Variants in PBX1 observed in about 807,000 individuals in gnomAD.
PBX1 encodes the protein PBX homeobox 1.
PBX1 carries 6 observed loss-of-function variants against 53.4 expected under a neutral mutation model. The ratio of observed to expected loss-of-function variants is 0.11; its 90% CI spans 0.06 to 0.22. PBX1 has a LOEUF of 0.22. Among genes scored for constraint, PBX1 ranks in the 10% least tolerant of loss-of-function variants. PBX1 has a pLI of 1.00. For synonymous variants in PBX1, 204 were observed against 212.3 expected (o/e 0.96, Z 0.34); for missense variants, 251 against 551.4 (o/e 0.46, Z 5.46).
intron 2 of PBX1, among the ~76,000 whole-genome samples, chr1:164,588,368 T>TG (rs11431843): frequency 0.98 from 149,158 of 151,810 alleles, 73,329 homozygotes; most frequent in Middle Eastern, 1. Flanking sequence ...GTACAGGATT[T>TG]GGGGAAAAAA....
rs1343679646 is a variant in PBX1, at chr1:164,636,157, T to TC, written c.265+72846_265+72847insC. Among the ~76,000 whole-genome samples the TC allele has an allele frequency of 2.4e-4, 17 of 71,418 alleles. No individual in the cohort carries two copies. The East Asian group carries it at 6.2e-3, about 26-fold the overall frequency. 46.9% of individuals were successfully genotyped at this position (71,418 alleles called of 152,430 possible). A position where few individuals can be genotyped will look rare whatever the true frequency, so the allele number is the denominator to read the frequency against. The stretch of plus-strand genomic sequence containing the variant: ...CCCCCAGCATCTTTCTCTCTCTCTC[T>TC]TTTTTTTTTCTCCTTTTGATCTCAG... On this transcript the variant is annotated intron_variant, in intron 2 of 8. Coordinates refer to ENST00000420696, the MANE Select transcript of PBX1 (RefSeq NM_002585.4).
chr1:164,690,429 C>CGGCT, intron 2 of PBX1, among the ~76,000 whole-genome samples: 1 of 152,216 alleles, frequency 6.6e-6, no homozygotes, highest in East Asian at 1.9e-4. Context: ...TGTGAAGCAA[C>CGGCT]GGCTGCATGT....
At chr1:164,753,204 A>T (rs1225503871) in intron 2 of PBX1, among the ~76,000 whole-genome samples, 2 of 152,156 alleles carry the variant, frequency 1.3e-5, no homozygotes, top group Non-Finnish European at 2.9e-5. Flanking sequence ...GATTGTCTTT[A>T]TTTTTTGTTT....
chr1:164,680,091 G>A (rs557786148), intron 2 of PBX1: 2 of 152,208 alleles, frequency 1.3e-5, no homozygotes, highest in African/African-American at 2.4e-5. Flanking sequence ...GTGGAAATCC[G>A]GCCTGTAGTT....
chr1:164,871,652 C>A (rs556894775), intron 2 of PBX1, among the ~76,000 whole-genome samples: 4 of 152,294 alleles, frequency 2.6e-5, no homozygotes, highest in Non-Finnish European at 5.9e-5. Context: ...CTCAAGATAT[C>A]TGCTGTTTTG....
chr1:164,642,829 G>C (rs1659225478), intron 2 of PBX1: 1 of 152,128 alleles, frequency 6.6e-6, no homozygotes, highest in East Asian at 1.9e-4. Context: ...ATCATTCTAA[G>C]GTAACGAGCC....
At chr1:164,659,906 C>T (rs1660383239) in intron 2 of PBX1, among the ~76,000 whole-genome samples, 1 of 152,190 alleles carries the variant, frequency 6.6e-6, no homozygotes, top group Admixed American at 6.5e-5. Flanking sequence ...GTATTCTCAG[C>T]TGTCTGTGCT....
intron 2 of PBX1, among the ~76,000 whole-genome samples, chr1:164,876,375 G>A (rs1461604400): frequency 6.6e-6 from 1 of 151,370 alleles, no homozygotes; most frequent in East Asian, 2.0e-4. Context: ...GAGTTGCTGC[G>A]TTCTCTTCCC....
chr1:164,595,141 A>G (rs1655667568), intron 2 of PBX1, among the ~76,000 whole-genome samples: 1 of 152,214 alleles, frequency 6.6e-6, no homozygotes, highest in Non-Finnish European at 1.5e-5. Flanking sequence ...TCTTTCTATT[A>G]GCAGAGAGCT....
chr1:164,854,480 T>A (rs946699582), downstream of PBX1: 6 of 152,006 alleles, frequency 3.9e-5, no homozygotes, highest in Non-Finnish European at 1.5e-5. Flanking sequence ...ATTCAGTGGG[T>A]AAGTTCAAGA....
intron 8 of PBX1, chr1:164,828,961 G>C (rs1291348084): frequency 1.3e-5 from 2 of 152,094 alleles, no homozygotes; most frequent in African/African-American, 2.4e-5. Flanking sequence ...GGCTACATTT[G>C]AGTTTGAGGA....
intron 1 of PBX1, 32 bp downstream of exon 1, chr1:164,560,045 G>A (rs1652916783): frequency 1.5e-6 from 2 of 1,322,308 alleles, no homozygotes; most frequent in Non-Finnish European, 9.7e-7. Flanking sequence ...TCCTTTCTTG[G>A]GGTTTTTTGT....
At chr1:164,678,432 A>G (rs1318798717) in intron 2 of PBX1, among the ~76,000 whole-genome samples, 1 of 152,208 alleles carries the variant, frequency 6.6e-6, no homozygotes, top group Non-Finnish European at 1.5e-5. Context: ...TTTGGCAATG[A>G]AAGAGAATAG....
chr1:164,790,854 C>T (rs185215040), intron 2 of PBX1, among the ~76,000 whole-genome samples: 10 of 152,274 alleles, frequency 6.6e-5, no homozygotes, highest in Admixed American at 3.9e-4. Flanking sequence ...CCTCATTGAG[C>T]TCATCTTCAC....
intron 6 of PBX1, chr1:164,817,926 T>C (rs925226032): frequency 2.6e-5 from 4 of 152,176 alleles, no homozygotes; most frequent in African/African-American, 9.7e-5. Context: ...TAAGGTTGAC[T>C]CTCTGGGTGA....
At chr1:164,762,320 T>G (rs1033437869) in intron 2 of PBX1, among the ~76,000 whole-genome samples, 1 of 152,172 alleles carries the variant, frequency 6.6e-6, no homozygotes, top group African/African-American at 2.4e-5. Flanking sequence ...AGCAGCATAG[T>G]TTAGGGAACT....
intron 6 of PBX1, chr1:164,815,315 C>T (rs1303989753): frequency 2.6e-5 from 4 of 152,218 alleles, no homozygotes; most frequent in African/African-American, 9.6e-5. Context: ...ATATCACATT[C>T]TGTGATTAGA....
At chr1:164,723,879 G>C (rs1664537613) in intron 2 of PBX1, among the ~76,000 whole-genome samples, 1 of 152,216 alleles carries the variant, frequency 6.6e-6, no homozygotes, top group African/African-American at 2.4e-5. Flanking sequence ...GAACTGTGCA[G>C]ATGAGAAGAA....
rs80164545 is a variant in PBX1, at chr1:164,671,640, T to C, written c.265+108329T>C. 3.0e-3 allele frequency among the ~76,000 whole-genome samples: 452 copies of C among 152,200 alleles called. 2 individuals are homozygous for C. Among genetic ancestry groups the C allele is most frequent in the African/African-American group, 0.01 (435 of 41,530 alleles). On this transcript the variant is annotated intron_variant, in intron 2 of 8. Transcript: ENST00000420696. Reference sequence around the variant, plus strand: ...TCTGTCCTTTGCTCTCTCCTCCTCATAAGTCTAGGCCATTTCTGGGAACAT... The same window carrying C: ...TCTGTCCTTTGCTCTCTCCTCCTCACAAGTCTAGGCCATTTCTGGGAACAT...
Sources: gnomAD v4.1 joint callset for allele counts (sites outside exome capture counted in the v4.1 genomes callset) on GRCh38, gnomAD v4.1.1 for gene constraint, MANE v1.5 for transcripts, NCBI Gene and HGNC (gene_info 2026-07-23, HGNC 2026-07-21) for gene names.